The following CACNA2D3 variants were observed in gnomAD, a reference collection of about 807,000 sequenced individuals.
CACNA2D3 encodes the protein calcium voltage-gated channel auxiliary subunit alpha2delta 3, also known as voltage-dependent calcium channel subunit alpha-2/delta-3.
CACNA2D3 carries 60 observed loss-of-function variants against 160.6 expected under a neutral mutation model. The observed-to-expected ratio is 0.37, with a 90% CI of 0.30 to 0.46. CACNA2D3 has a LOEUF of 0.46. Ranked by LOEUF, CACNA2D3 falls within the 20% of genes least tolerant of loss-of-function variation. The pLI, the probability that CACNA2D3 is intolerant of heterozygous loss-of-function variation, is 1.00. For missense variants in CACNA2D3, 1,205 were observed against 1,365.0 expected (o/e 0.88, Z 1.85); for synonymous variants, 558 against 492.9 (o/e 1.13, Z -1.75).
At chr3:54,943,223 A>G (rs1191680340) in intron 27 of CACNA2D3, among the ~76,000 whole-genome samples, 5 of 151,606 alleles carry the variant, frequency 3.3e-5, no homozygotes, top group African/African-American at 1.2e-4. Flanking sequence ...AAAAATGAGA[A>G]TAATAACAAT....
chr3:54,883,859 C>T (rs1330372759), intron 21 of CACNA2D3, among the ~76,000 whole-genome samples: 1 of 148,392 alleles, frequency 6.7e-6, no homozygotes, highest in African/African-American at 2.5e-5. Context: ...TCTCTTGGTC[C>T]TCCCTGTTCT....
At chr3:54,558,435 G>A (rs1456675808) in intron 5 of CACNA2D3, among the ~76,000 whole-genome samples, 1 of 151,114 alleles carries the variant, frequency 6.6e-6, no homozygotes, top group African/African-American at 2.4e-5. Context: ...TCCATCTTTT[G>A]TGTTAGGTTC....
intron 3 of CACNA2D3, among the ~76,000 whole-genome samples, chr3:54,364,526 C>CATT (rs762376933): frequency 3.9e-5 from 6 of 152,196 alleles, no homozygotes. Context: ...TTTGCTGCTG[C>CATT]TTAAATGATT....
intron 16 of CACNA2D3, among the ~76,000 whole-genome samples, chr3:54,842,573 T>C (rs1393442516): frequency 2.0e-5 from 3 of 150,476 alleles, no homozygotes; most frequent in African/African-American, 7.4e-5. Flanking sequence ...TTCTTCTCTT[T>C]TCTTTTCTTT....
Position 54,470,946 on chromosome 3 carries a change from C to G in CACNA2D3, c.382-32546C>G, listed in dbSNP as rs768612547. On this transcript the variant is annotated intron_variant, in intron 4 of 37. Coordinates refer to ENST00000474759, the MANE Select transcript of CACNA2D3 (RefSeq NM_018398.3). ...TTAGAGACCTACAAAGAGACTTAGA[C>G]TCCCACACAATAATAATGAGAGACT... Among the ~76,000 whole-genome samples, 38 of 152,258 alleles carry G rather than the reference C, an allele frequency of 2.5e-4. 1 individual carries two copies. Among genetic ancestry groups the G allele is most frequent in the Non-Finnish European group, 4.0e-4 (27 of 68,010 alleles).
intron 2 of CACNA2D3, among the ~76,000 whole-genome samples, chr3:54,279,877 G>A (rs1233055711): frequency 6.6e-6 from 1 of 152,084 alleles, no homozygotes; most frequent in Non-Finnish European, 1.5e-5. Context: ...TTTGTTGTTG[G>A]TTTTGGTCTA....
intron 3 of CACNA2D3, among the ~76,000 whole-genome samples, chr3:54,344,705 G>A (rs1399288605): frequency 6.6e-6 from 1 of 152,132 alleles, no homozygotes; most frequent in African/African-American, 2.4e-5. Context: ...CATGAGTACA[G>A]TAAATGAGTT....
At chr3:54,716,589 G>A (rs1445542135) in intron 11 of CACNA2D3, among the ~76,000 whole-genome samples, 1 of 152,112 alleles carries the variant, frequency 6.6e-6, no homozygotes, top group Non-Finnish European at 1.5e-5. Context: ...GGTGGGTGGG[G>A]GAGGATTTCT....
intron 2 of CACNA2D3, among the ~76,000 whole-genome samples, chr3:54,313,899 T>C (rs1431313561): frequency 6.6e-6 from 1 of 152,050 alleles, no homozygotes; most frequent in African/African-American, 2.4e-5. Context: ...TTAAATTTTT[T>C]TTTTTTTAAT....
chr3:54,198,810 G>A (rs1406701164), intron 2 of CACNA2D3, among the ~76,000 whole-genome samples: 1 of 152,258 alleles, frequency 6.6e-6, no homozygotes, highest in East Asian at 1.9e-4. Flanking sequence ...TAGACGCTGA[G>A]TGCACAGGTC....
At chr3:54,744,429 A>G (rs953487783) in intron 11 of CACNA2D3, among the ~76,000 whole-genome samples, 1 of 152,120 alleles carries the variant, frequency 6.6e-6, no homozygotes. Context: ...TGAAATTGTG[A>G]GTGTATAGAC....
intron 2 of CACNA2D3, among the ~76,000 whole-genome samples, chr3:54,174,017 G>T (rs1329956008): frequency 6.6e-6 from 1 of 152,194 alleles, no homozygotes; most frequent in African/African-American, 2.4e-5. Flanking sequence ...CTTGCTCTAG[G>T]TTAGGTATCG....
intron 5 of CACNA2D3, among the ~76,000 whole-genome samples, chr3:54,510,823 C>T (rs549451211): frequency 2.6e-5 from 4 of 152,298 alleles, no homozygotes; most frequent in African/African-American, 9.6e-5. Flanking sequence ...GAACACCTGG[C>T]ACACGGAGGA....
intron 4 of CACNA2D3, among the ~76,000 whole-genome samples, chr3:54,447,009 A>G (rs971478966): frequency 1.3e-5 from 2 of 152,174 alleles, no homozygotes; most frequent in Non-Finnish European, 2.9e-5. Flanking sequence ...AGGCATTGAC[A>G]TCTTGTTAAC....
At chr3:54,166,134 C>G (rs1700450454) in intron 2 of CACNA2D3, among the ~76,000 whole-genome samples, 1 of 152,202 alleles carries the variant, frequency 6.6e-6, no homozygotes. Flanking sequence ...TTCACCGTGA[C>G]TATCCATGTC....
intron 2 of CACNA2D3, among the ~76,000 whole-genome samples, chr3:54,280,807 C>T (rs1702862865): frequency 1.3e-5 from 2 of 152,204 alleles, no homozygotes; most frequent in African/African-American, 4.8e-5. Context: ...ACGATTCCTC[C>T]TCCTTTTTGG....
chr3:55,059,134 C>T (rs1704438535), intron 35 of CACNA2D3, among the ~76,000 whole-genome samples: 1 of 152,158 alleles, frequency 6.6e-6, no homozygotes, highest in African/African-American at 2.4e-5. Flanking sequence ...ATTCTTTATA[C>T]TTTTAAAGTG....
At chr3:54,943,315 A>G (rs111296739) in intron 27 of CACNA2D3, among the ~76,000 whole-genome samples, 3,032 of 151,864 alleles carry the variant, frequency 0.02, 90 homozygotes, top group African/African-American at 0.066. Context: ...ACCACTTCCA[A>G]CTCTCTTAGT....
chr3:54,994,317 C>G (rs957817330), intron 31 of CACNA2D3, among the ~76,000 whole-genome samples: 3 of 152,166 alleles, frequency 2.0e-5, no homozygotes, highest in African/African-American at 7.2e-5. Flanking sequence ...GGCTGCTCGC[C>G]TTTAATGCCG....
Sources: gnomAD v4.1 joint callset for allele counts (sites outside exome capture counted in the v4.1 genomes callset) on GRCh38, gnomAD v4.1.1 for gene constraint, MANE v1.5 for transcripts, NCBI Gene and HGNC (gene_info 2026-07-23, HGNC 2026-07-21) for gene names.